Variants in UTP4 observed in about 807,000 individuals in gnomAD.
The protein encoded by UTP4 is UTP4 small subunit processome component.
A neutral mutation model predicts 82.4 loss-of-function variants in UTP4; 45 were observed. The observed-to-expected ratio is 0.55, with a 90% CI of 0.43 to 0.70. UTP4 has a LOEUF of 0.70. Ranked by LOEUF, UTP4 falls within the 30% of genes least tolerant of loss-of-function variation. The pLI is 0.00. For missense variants in UTP4, 819 were observed against 858.3 expected, an observed-to-expected ratio of 0.95 and a Z score of 0.57; for synonymous variants, 348 against 300.3, an observed-to-expected ratio of 1.16 and a Z score of -1.64.
chr16:69,161,975 G>GT lies in UTP4; in HGVS notation c.1552-1098dup, dbSNP rs1334142556. 1.1e-3 allele frequency among the ~76,000 whole-genome samples: 151 copies of GT among 142,676 alleles called. 1 individual carries two copies. The East Asian group carries it at 0.018, about 17-fold the overall frequency. The allele number at this position is 142,676 out of a possible 152,430, so 93.6% of individuals were successfully genotyped here. A position where few individuals can be genotyped will look rare whatever the true frequency, so the allele number is the denominator to read the frequency against. ...ACTGCGCCCAGCCAATAGGCCTTTT[G>GT]TTTTTTTTTTGAGATTGAGTCTTGC... On this transcript the variant is annotated intron_variant, in intron 13 of 16. Coordinates refer to ENST00000314423, the MANE Select transcript of UTP4 (RefSeq NM_032830.3).
intron 1 of UTP4, chr16:69,133,017 G>T: frequency 3.8e-6 from 1 of 264,386 alleles, no homozygotes. Flanking sequence ...GGTAGGGTAA[G>T]TGACAGACGT....
intron 13 of UTP4, among the ~76,000 whole-genome samples, chr16:69,161,825 A>C (rs1414642527): frequency 1.3e-5 from 2 of 152,004 alleles, no homozygotes; most frequent in African/African-American, 4.8e-5. Flanking sequence ...CACCACACCT[A>C]GCTAATCTTT....
chr16:69,160,545 T>C (rs1228367321), intron 13 of UTP4, 83 bp downstream of exon 13: 3 of 940,468 alleles, frequency 3.2e-6, no homozygotes, highest in Non-Finnish European at 5.3e-6. Flanking sequence ...CAAGGCAGAT[T>C]GGCATGACCT....
chr16:69,165,600 T>C (rs1963682790), intron 15 of UTP4, 74 bp downstream of exon 15: 1 of 1,249,528 alleles, frequency 8.0e-7, no homozygotes, highest in Non-Finnish European at 1.2e-6. Flanking sequence ...TACAATAAGG[T>C]AAGAGGACAG....
At chr16:69,157,366 GT>G in intron 12 of UTP4, 126 bp downstream of exon 12, 1 of 942,028 alleles carries the variant, frequency 1.1e-6, no homozygotes, top group Non-Finnish European at 1.7e-6. Context: ...TCACTCACAT[GT>G]TTGCTGTTTC....
intron 6 of UTP4, among the ~76,000 whole-genome samples, chr16:69,144,758 G>A (rs141039207): frequency 7.9e-5 from 12 of 152,316 alleles, no homozygotes; most frequent in African/African-American, 2.4e-4. Flanking sequence ...ACACGTAAGT[G>A]ATAATAGTGG....
At chr16:69,165,205 A>G (rs1963672040) in intron 14 of UTP4, 136 bp from the exon 15 acceptor site, 1 of 749,412 alleles carries the variant, frequency 1.3e-6, no homozygotes, top group East Asian at 2.7e-5. Context: ...AAAAAAAAAA[A>G]AAAGTGTTGG....
intron 14 of UTP4, among the ~76,000 whole-genome samples, chr16:69,164,356 T>C (rs920060896): frequency 6.6e-6 from 1 of 152,066 alleles, no homozygotes; most frequent in Non-Finnish European, 1.5e-5. Context: ...TACTGGCACT[T>C]AGTCCCTTAA....
chr16:69,167,212 G>C (rs780162424), intron 16 of UTP4, 27 bp downstream of exon 16: 1 of 1,451,696 alleles, frequency 6.9e-7, no homozygotes, highest in Non-Finnish European at 9.7e-7. Context: ...TGTTATTCTG[G>C]ATAGTTGGTT....
intron 6 of UTP4, among the ~76,000 whole-genome samples, chr16:69,146,015 C>A (rs918766519): frequency 2.0e-5 from 3 of 151,188 alleles, no homozygotes; most frequent in African/African-American, 7.3e-5. Context: ...ATATTTCAAG[C>A]AGTTCAACCC....
intron 4 of UTP4, among the ~76,000 whole-genome samples, chr16:69,138,238 T>TC (rs1273089390): frequency 3.3e-5 from 5 of 151,172 alleles, no homozygotes; most frequent in Non-Finnish European, 3.0e-5. Context: ...TTTCTTTCTT[T>TC]TTTTTTTTTT....
chr16:69,158,508 T>A (rs2152282593), intron 12 of UTP4, among the ~76,000 whole-genome samples: 1 of 152,134 alleles, frequency 6.6e-6, no homozygotes, highest in East Asian at 1.9e-4. Context: ...CATAAGCTGA[T>A]CCAGAAGCCT....
chr16:69,141,275 C>G (rs114199680), intron 5 of UTP4, among the ~76,000 whole-genome samples: 6 of 152,310 alleles, frequency 3.9e-5, no homozygotes, highest in African/African-American at 1.4e-4. Context: ...GCTTCTCTAT[C>G]GGATAGGATC....
chr16:69,157,037 G>C (rs1567378337), intron 11 of UTP4, 47 bp from the exon 12 acceptor site: 1 of 1,603,508 alleles, frequency 6.2e-7, no homozygotes, highest in Admixed American at 1.7e-5. Flanking sequence ...CTGATGGGCT[G>C]TAGGTCTCCC....
Position 69,150,702 on chromosome 16 carries a change from T to C in UTP4, c.904T>C (p.Ser302Pro), listed in dbSNP as rs745935943. The C allele has an allele frequency of 1.2e-6, 2 of 1,614,192 alleles. No individual in the cohort carries two copies. Among genetic ancestry groups the C allele is most frequent in the Non-Finnish European group, 1.7e-6 (2 of 1,180,036 alleles). ...TVAHSPTALISGGTDTHLVFR... is the reference protein window; with the variant it reads ...TVAHSPTALIPGGTDTHLVFR... Reference sequence around the variant, plus strand: ...GGCCCACAGCCCAACAGCGCTGATATCTGGAGGTGGGTTCCCCCTCTGGTG... The same window carrying C: ...GGCCCACAGCCCAACAGCGCTGATACCTGGAGGTGGGTTCCCCCTCTGGTG... The change falls in exon 7 of 17, where the codon TCT becomes CCT. Residue 302 changes from serine to proline, a missense_variant. Ser to Pro is a moderately conservative substitution (Grantham distance 74). Transcript: ENST00000314423.
At chr16:69,166,775 C>T in intron 15 of UTP4, 1 of 378,460 alleles carries the variant, frequency 2.6e-6, no homozygotes, top group Non-Finnish European at 4.9e-6. Flanking sequence ...GCCCTTTGAT[C>T]TTGCTGCATG....
rs1452233032 is a variant in UTP4 at position 69,132,650 on chromosome 16, G to C, written c.-42G>C. ...CGCGCGCGCACGTGGGGCCGGGGCG[G>C]AGAGAGGCGAGCACCGGGAAGGGGA... On this transcript the variant is annotated 5_prime_UTR_variant, in exon 1 of 17. Transcript: ENST00000314423. The C allele has an allele frequency of 2.7e-6, 1 of 368,374 alleles. No individual in the cohort carries two copies. The highest frequency in any genetic ancestry group is 3.7e-5 in the Admixed American group (1 of 26,802). 22.8% of individuals were successfully genotyped at this position (368,374 alleles called of 1,614,324 possible).
intron 6 of UTP4, among the ~76,000 whole-genome samples, chr16:69,144,026 T>C (rs1457421299): frequency 6.6e-6 from 1 of 151,446 alleles, no homozygotes; most frequent in Non-Finnish European, 1.5e-5. Flanking sequence ...TAGCTCGGAT[T>C]ACAGGCCCCT....
intron 8 of UTP4, 88 bp downstream of exon 8, chr16:69,150,992 T>A: frequency 9.9e-7 from 1 of 1,010,718 alleles, no homozygotes; most frequent in Non-Finnish European, 1.5e-6. Flanking sequence ...CAGCTCACGC[T>A]CGGCAAATTT....
Sources: allele counts gnomAD v4.1 joint callset (sites outside exome capture counted in the v4.1 genomes callset), GRCh38; gene constraint gnomAD v4.1.1; transcripts MANE v1.5; gene names NCBI Gene and HGNC (gene_info 2026-07-23, HGNC 2026-07-21).